LRMDA: variants seen among roughly 807,000 people sequenced by gnomAD.
The protein encoded by LRMDA is leucine-rich melanocyte differentiation-associated protein.
LRMDA carries 18 observed loss-of-function variants against 29.8 expected under a neutral mutation model. The ratio of observed to expected loss-of-function variants is 0.60; its 90% CI spans 0.42 to 0.90. The LOEUF is 0.90. LRMDA is among the 40% of genes least tolerant of loss of function. The pLI is 0.00. For synonymous variants in LRMDA, 125 were observed against 109.4 expected (o/e 1.14, Z -0.89); for missense variants, 273 against 273.9 (o/e 1.00, Z 0.02).
chr10:76,536,663 G>C (rs538037354), intron 6 of LRMDA, among the ~76,000 whole-genome samples: 1 of 152,102 alleles, frequency 6.6e-6, no homozygotes, highest in East Asian at 1.9e-4. Context: ...AAGCATAGGT[G>C]ATATTGGCAT....
At chr10:75,884,771 T>G (rs1845355603) in intron 2 of LRMDA, among the ~76,000 whole-genome samples, 1 of 152,234 alleles carries the variant, frequency 6.6e-6, no homozygotes, top group Admixed American at 6.5e-5. Context: ...GAGTCAGGTT[T>G]GCATGGTAGA....
intron 2 of LRMDA, among the ~76,000 whole-genome samples, chr10:75,846,126 T>TTTAC (rs1177139415): frequency 6.6e-6 from 1 of 151,986 alleles, no homozygotes; most frequent in Non-Finnish European, 1.5e-5. Context: ...AAGTAATGCA[T>TTTAC]TTACTTCTTG....
chr10:75,820,470 C>T (rs1214048422), intron 2 of LRMDA, among the ~76,000 whole-genome samples: 2 of 152,134 alleles, frequency 1.3e-5, no homozygotes, highest in African/African-American at 4.8e-5. Flanking sequence ...AAAATAGAGA[C>T]ATAACATACC....
intron 5 of LRMDA, among the ~76,000 whole-genome samples, chr10:76,259,509 T>G (rs1378922236): frequency 6.6e-6 from 1 of 152,138 alleles, no homozygotes; most frequent in Non-Finnish European, 1.5e-5. Context: ...TGGAGAATGT[T>G]GCATCTGCTG....
At chr10:75,648,914 G>A (rs774104928) in intron 2 of LRMDA, among the ~76,000 whole-genome samples, 1 of 152,080 alleles carries the variant, frequency 6.6e-6, no homozygotes, top group Non-Finnish European at 1.5e-5. Flanking sequence ...CCAGTGCACT[G>A]GGCTATGGAA....
chr10:76,507,752 A>C (rs142634967), intron 6 of LRMDA, among the ~76,000 whole-genome samples: 74 of 152,190 alleles, frequency 4.9e-4, no homozygotes, highest in African/African-American at 1.6e-3. Flanking sequence ...TGAAGAGACT[A>C]TCCTTTCCCC....
At chr10:76,178,125 G>A (rs1004732252) in intron 5 of LRMDA, among the ~76,000 whole-genome samples, 3 of 152,202 alleles carry the variant, frequency 2.0e-5, no homozygotes, top group Non-Finnish European at 4.4e-5. Context: ...TGCTCACCAG[G>A]GGAATAGTAT....
chr10:76,453,067 A>G (rs955913729), intron 6 of LRMDA, among the ~76,000 whole-genome samples: 7 of 152,332 alleles, frequency 4.6e-5, no homozygotes, highest in Admixed American at 2.6e-4. Context: ...GTAATATTCT[A>G]TAATGTTCAC....
At chr10:75,996,138 G>GT (rs1847457721) in intron 2 of LRMDA, among the ~76,000 whole-genome samples, 1 of 152,176 alleles carries the variant, frequency 6.6e-6, no homozygotes, top group Non-Finnish European at 1.5e-5. Context: ...AGCCATTAGA[G>GT]TGATAGTGAT....
intron 6 of LRMDA, among the ~76,000 whole-genome samples, chr10:76,353,330 T>TTGTGTGTGTGTGTG (rs3998122): frequency 2.1e-5 from 3 of 146,192 alleles, no homozygotes; most frequent in African/African-American, 7.6e-5. Context: ...AGCTGTGGAG[T>TTGTGTGTGTGTGTG]TGTGTGTGTG....
At chr10:75,982,976 G>T (rs891415685) in intron 2 of LRMDA, among the ~76,000 whole-genome samples, 34 of 152,252 alleles carry the variant, frequency 2.2e-4, no homozygotes, top group African/African-American at 8.2e-4. Context: ...TCAAGAGAGG[G>T]TAAATATCTT....
At chr10:76,527,215 T>C (rs1179648039) in intron 6 of LRMDA, among the ~76,000 whole-genome samples, 1 of 152,084 alleles carries the variant, frequency 6.6e-6, no homozygotes, top group Non-Finnish European at 1.5e-5. Flanking sequence ...TTCCAGCTCA[T>C]GGTGAATGTG....
intron 5 of LRMDA, among the ~76,000 whole-genome samples, chr10:76,245,672 A>G (rs2132290428): frequency 6.6e-6 from 1 of 152,328 alleles, no homozygotes; most frequent in Non-Finnish European, 1.5e-5. Flanking sequence ...AAGTCACTAA[A>G]TTATTAAGAA....
At chr10:76,424,493 C>G (rs1220537979) in intron 6 of LRMDA, among the ~76,000 whole-genome samples, 1 of 152,014 alleles carries the variant, frequency 6.6e-6, no homozygotes, top group South Asian at 2.1e-4. Flanking sequence ...GAGCCAAGAT[C>G]GTGCCACTGC....
chr10:75,531,603 G>T (rs1177342489), intron 2 of LRMDA, among the ~76,000 whole-genome samples: 1 of 152,148 alleles, frequency 6.6e-6, no homozygotes, highest in East Asian at 1.9e-4. Flanking sequence ...TAAAAATGAG[G>T]TGGTGTTTGA....
chr10:75,942,212 G>A (rs1038432298), intron 2 of LRMDA, among the ~76,000 whole-genome samples: 17 of 152,044 alleles, frequency 1.1e-4, no homozygotes, highest in Admixed American at 4.6e-4. Context: ...TACAAATGTG[G>A]TGATGTGTTT....
intron 6 of LRMDA, among the ~76,000 whole-genome samples, chr10:76,462,814 G>A (rs1382917364): frequency 2.0e-5 from 3 of 152,196 alleles, no homozygotes; most frequent in Non-Finnish European, 4.4e-5. Context: ...AGTGGGGGTT[G>A]TTGAGCTCAG....
chr10:75,439,131 G>A (rs1844297294), intron 2 of LRMDA, among the ~76,000 whole-genome samples: 1 of 152,196 alleles, frequency 6.6e-6, no homozygotes, highest in African/African-American at 2.4e-5. Flanking sequence ...GGAGAATACA[G>A]GCAGTTATTT....
At chr10:76,551,552 A>C (rs1390668248) in intron 6 of LRMDA, among the ~76,000 whole-genome samples, 2 of 152,188 alleles carry the variant, frequency 1.3e-5, no homozygotes, top group African/African-American at 4.8e-5. Flanking sequence ...AGAAGATGTA[A>C]CCCCATTGTA....
Sources: gnomAD v4.1 joint callset for allele counts (sites outside exome capture counted in the v4.1 genomes callset) on GRCh38, gnomAD v4.1.1 for gene constraint, MANE v1.5 for transcripts, NCBI Gene and HGNC (gene_info 2026-07-23, HGNC 2026-07-21) for gene names.